Variants in PCDH9 observed in about 807,000 individuals in gnomAD.
The protein encoded by PCDH9 is protocadherin-9.
PCDH9 carries 24 observed loss-of-function variants against 70.6 expected under a neutral mutation model. The observed-to-expected ratio is 0.34, with a 90% confidence interval of 0.25 to 0.48. The LOEUF (loss-of-function observed/expected upper bound fraction) is 0.48. Among genes scored for constraint, PCDH9 ranks in the 20% least tolerant of loss-of-function variants. PCDH9 has a pLI of 0.99. For missense variants in PCDH9, 1,281 were observed against 1,503.6 expected (o/e 0.85, Z 2.45); for synonymous variants, 562 against 558.5 (o/e 1.01, Z -0.09).
At chr13:66,455,215 A>T (rs1200472993) in intron 4 of PCDH9, among the ~76,000 whole-genome samples, 1 of 151,816 alleles carries the variant, frequency 6.6e-6, no homozygotes, top group African/African-American at 2.4e-5. Context: ...AGCCTACAGC[A>T]TCATTCTTGA....
intron 2 of PCDH9, among the ~76,000 whole-genome samples, chr13:66,915,952 C>T (rs1367416542): frequency 6.6e-6 from 1 of 151,496 alleles, no homozygotes; most frequent in African/African-American, 2.4e-5. Context: ...TGTAGCAATT[C>T]CTTTCCCTTT....
chr13:66,994,476 G>A (rs559231529), intron 2 of PCDH9, among the ~76,000 whole-genome samples: 1 of 152,274 alleles, frequency 6.6e-6, no homozygotes, highest in East Asian at 1.9e-4. Flanking sequence ...CAAAGCTGGT[G>A]GGTTTGGAGC....
chr13:66,336,808 C>T (rs996580582), intron 4 of PCDH9, among the ~76,000 whole-genome samples: 1 of 151,902 alleles, frequency 6.6e-6, no homozygotes, highest in East Asian at 1.9e-4. Flanking sequence ...TTTTATCAAC[C>T]TCAGCCCAGA....
chr13:66,984,593 AT>A (rs2083850406), intron 2 of PCDH9, among the ~76,000 whole-genome samples: 1 of 152,102 alleles, frequency 6.6e-6, no homozygotes, highest in Non-Finnish European at 1.5e-5. Context: ...AATGCAAAAA[AT>A]TTTTTTAAGA....
intron 3 of PCDH9, among the ~76,000 whole-genome samples, chr13:66,829,268 C>T (rs758924211): frequency 2.6e-4 from 39 of 152,254 alleles, no homozygotes; most frequent in Non-Finnish European, 5.4e-4. Flanking sequence ...CCACCCACCT[C>T]GGCCTCCCAA....
rs2089879580 is a variant in PCDH9 at position 67,226,617 on chromosome 13, A to G, written c.1824T>C (p.Thr608=). The change falls in exon 2 of 5, where the codon ACT becomes ACC. Residue 608 remains threonine (T), a synonymous_variant. Coordinates refer to ENST00000377865, the MANE Select transcript of PCDH9 (RefSeq NM_203487.3). This position sits in a 1 kb window ranked among gnomAD's most constrained non-coding sequence, Gnocchi z 5.0. ...DADAGENKAV[T]LSILNDNDNF... ...TATCATTGTCATTTAGAATGGAAAG[A>G]GTCACAGCTTTATTCTCTCCAGCAT... 3 of 1,613,974 alleles carry G rather than the reference A, an allele frequency of 1.9e-6. No homozygotes were observed. In the South Asian group the frequency reaches 3.3e-5, roughly 18 times the overall value.
intron 2 of PCDH9, among the ~76,000 whole-genome samples, chr13:67,170,645 C>A (rs1489288320): frequency 6.6e-6 from 1 of 152,142 alleles, no homozygotes; most frequent in African/African-American, 2.4e-5. Context: ...TGAGAACTGG[C>A]CAGGCACTAT....
At chr13:66,430,060 G>T (rs1957744038) in intron 4 of PCDH9, among the ~76,000 whole-genome samples, 1 of 151,966 alleles carries the variant, frequency 6.6e-6, no homozygotes, top group Non-Finnish European at 1.5e-5. Context: ...TTTACATTTT[G>T]TTTCAAGTCA....
intron 3 of PCDH9, among the ~76,000 whole-genome samples, chr13:66,743,357 G>T (rs1279814218): frequency 8.1e-6 from 1 of 123,060 alleles, no homozygotes; most frequent in Non-Finnish European, 1.7e-5. Context: ...GGTGGGGGGA[G>T]GGGGGAGGGA....
At chr13:66,769,965 T>C (rs2079780338) in intron 3 of PCDH9, among the ~76,000 whole-genome samples, 1 of 152,034 alleles carries the variant, frequency 6.6e-6, no homozygotes, top group Non-Finnish European at 1.5e-5. Context: ...AAAAGGAGCA[T>C]CCATTTGCAT....
intron 2 of PCDH9, among the ~76,000 whole-genome samples, chr13:67,068,631 T>C (rs960045128): frequency 6.6e-6 from 1 of 152,196 alleles, no homozygotes; most frequent in Non-Finnish European, 1.5e-5. Flanking sequence ...ACAGAGCACA[T>C]GCGTTTGATC....
intron 4 of PCDH9, among the ~76,000 whole-genome samples, chr13:66,629,010 C>A (rs916947914): frequency 6.6e-6 from 1 of 152,096 alleles, no homozygotes; most frequent in African/African-American, 2.4e-5. Context: ...TAGAAAATTA[C>A]CCAGATGTTC....
At chr13:66,352,584 G>A (rs571521717) in intron 4 of PCDH9, among the ~76,000 whole-genome samples, 1 of 152,184 alleles carries the variant, frequency 6.6e-6, no homozygotes, top group Admixed American at 6.5e-5. Context: ...CTCTCCTGGT[G>A]TTTCTTCTTA....
intron 4 of PCDH9, among the ~76,000 whole-genome samples, chr13:66,549,551 T>C (rs1414848890): frequency 1.3e-5 from 2 of 152,134 alleles, no homozygotes; most frequent in African/African-American, 4.8e-5. Flanking sequence ...AAAAAGGTTT[T>C]TTTGGACTGG....
chr13:66,616,020 A>T (rs908966737), intron 4 of PCDH9, among the ~76,000 whole-genome samples: 1 of 152,222 alleles, frequency 6.6e-6, no homozygotes, highest in African/African-American at 2.4e-5. Flanking sequence ...TCTGCCCTTT[A>T]AAGATTTGAG....
intron 2 of PCDH9, among the ~76,000 whole-genome samples, chr13:66,952,466 T>A (rs1435975080): frequency 6.6e-6 from 1 of 152,222 alleles, no homozygotes; most frequent in Non-Finnish European, 1.5e-5. Flanking sequence ...ATTTTTATAT[T>A]CTATTTTTTC....
chr13:66,693,386 C>T (rs1313302750), intron 3 of PCDH9, among the ~76,000 whole-genome samples: 1 of 151,976 alleles, frequency 6.6e-6, no homozygotes, highest in Non-Finnish European at 1.5e-5. Flanking sequence ...AAGATATTTA[C>T]AGAACCCACA....
chr13:66,725,630 G>C (rs185284840), intron 3 of PCDH9, among the ~76,000 whole-genome samples: 1 of 152,094 alleles, frequency 6.6e-6, no homozygotes, highest in African/African-American at 2.4e-5. Context: ...TCAAAAGAGA[G>C]TATAATCATA....
At chr13:66,776,723 C>T (rs1356713212) in intron 3 of PCDH9, among the ~76,000 whole-genome samples, 4 of 151,804 alleles carry the variant, frequency 2.6e-5, no homozygotes, top group Non-Finnish European at 5.9e-5. Flanking sequence ...TTTACAGATT[C>T]AATGCCATCC....
Sources: gnomAD v4.1 joint callset for allele counts (sites outside exome capture counted in the v4.1 genomes callset) on GRCh38, gnomAD v4.1.1 for gene constraint, Gnocchi (gnomAD v3.1) non-coding constraint, MANE v1.5 for transcripts, NCBI Gene and HGNC (gene_info 2026-07-23, HGNC 2026-07-21) for gene names.